Variants in CCDC144A observed in about 807,000 individuals in gnomAD.
CCDC144A encodes the protein coiled-coil domain-containing protein 144A.
Under a neutral mutation model 143.8 loss-of-function variants are expected in CCDC144A, and 41 were observed. That is an observed-to-expected ratio of 0.29 (90% CI 0.22 to 0.37). The LOEUF (loss-of-function observed/expected upper bound fraction) is 0.37, where lower values mean the gene tolerates loss of function less well. CCDC144A is among the 10% of genes least tolerant of loss of function. The probability of loss-of-function intolerance (pLI) is 1.00; values close to 1 mark genes in which losing one functional copy is unlikely to be tolerated. For synonymous variants in CCDC144A, 242 were observed against 517.9 expected (o/e 0.47, Z 7.23); for missense variants, 637 against 1,488.8 (o/e 0.43, Z 9.41).
At chr17:16,724,787 ATTTTTTTTTTT>A (rs760344292) in intron 8 of CCDC144A, among the ~76,000 whole-genome samples, 79 of 35,102 alleles carry the variant, frequency 2.3e-3, no homozygotes, top group African/African-American at 7.9e-3. Context: ...GATTAACTGA[ATTTTTTTTTTT>A]TTTTTTTTTT....
rs76075914 is a variant in CCDC144A at position 16,732,648 on chromosome 17, A to G, written c.2400A>G (p.Arg800=). 2.5e-4 allele frequency: 399 copies of G among 1,609,438 alleles called. No individual in the cohort carries two copies. In the East Asian group the frequency reaches 7.3e-3, roughly 29 times the overall value. The change falls in exon 11 of 17, where the codon CGA becomes CGG. Residue 800 remains arginine, a synonymous_variant. Coordinates refer to ENST00000399273, the MANE Select transcript of CCDC144A (RefSeq NM_001382000.1). ...AACAAAAGGAACTAGAAATGGCTCG[A>G]AAGAAAATGAATTCTGAGGTATTTT... The part of the protein sequence containing the change: ...TSKQKELEMA[R]KKMNSEISHR...
the CCDC144A span, among the ~76,000 whole-genome samples, chr17:16,682,067 C>T: frequency 6.6e-6 from 1 of 151,902 alleles, no homozygotes; most frequent in African/African-American, 2.4e-5. Flanking sequence ...TGCAGTAGAG[C>T]CCTGACCGTG....
rs1477061768 is a variant in CCDC144A at position 16,709,230 on chromosome 17, T to G, written c.1173T>G (p.Ser391=). 2 of 1,611,766 alleles carry G rather than the reference T, an allele frequency of 1.2e-6. No homozygotes were observed. The highest frequency in any genetic ancestry group is 3.3e-5 in the Admixed American group (2 of 60,024). The change falls in exon 5 of 17, where the codon TCT becomes TCG. Residue 391 remains serine (S), a synonymous_variant. Transcript: ENST00000399273. ...SGSQEHVCQS[S]SKFHLHENKL... is the part of the protein sequence containing the mutation. ...CCCAGGAACATGTTTGCCAGTCATC[T>G]TCTAAGTTTCATTTACATGAAAATA...
chr17:16,709,607 A>G lies in CCDC144A; in HGVS notation c.1550A>G (p.Lys517Arg), dbSNP rs1912276441. The G allele has an allele frequency of 6.2e-7, 1 of 1,611,402 alleles. No individual in the cohort carries two copies. The highest frequency in any genetic ancestry group is 8.5e-7 in the Non-Finnish European group (1 of 1,179,622). ...NTLEEEFLAL[K>R]KEDVQLHKDV... Reference sequence around the variant, plus strand: ...TTAGAAGAAGAGTTCCTGGCTTTGAAGAAAGAAGATGTTCAACTTCATAAA... The same window carrying G: ...TTAGAAGAAGAGTTCCTGGCTTTGAGGAAAGAAGATGTTCAACTTCATAAA... The change falls in exon 5 of 17, where the codon AAG (lysine) becomes AGG (arginine). Residue 517 changes from lysine to arginine, a missense_variant. Coordinates refer to ENST00000399273, the MANE Select transcript of CCDC144A (RefSeq NM_001382000.1).
At chr17:16,708,166 A>T (rs1242491753) in intron 4 of CCDC144A, among the ~76,000 whole-genome samples, 2 of 152,178 alleles carry the variant, frequency 1.3e-5, no homozygotes. Context: ...AGTTTTAGTA[A>T]GTGTTATTAG....
intron 5 of CCDC144A, chr17:16,709,915 G>T: frequency 2.8e-6 from 1 of 354,532 alleles, no homozygotes; most frequent in Non-Finnish European, 5.1e-6. Context: ...AACCAGGAGA[G>T]GCGTCAAGAA....
chr17:16,757,247 G>A (rs536135195), intron 12 of CCDC144A, among the ~76,000 whole-genome samples: 3 of 152,376 alleles, frequency 2.0e-5, no homozygotes, highest in East Asian at 3.9e-4. Flanking sequence ...GGCACTGGTA[G>A]TGGTGAAAGC....
intron 2 of CCDC144A, among the ~76,000 whole-genome samples, chr17:16,693,987 A>G (rs1911252413): frequency 6.8e-6 from 1 of 147,992 alleles, no homozygotes; most frequent in African/African-American, 2.5e-5. Context: ...TAAGAAAATC[A>G]TAAGGCAGAA....
chr17:16,685,963 G>A (rs1910762993), upstream of CCDC144A, among the ~76,000 whole-genome samples: 2 of 142,554 alleles, frequency 1.4e-5, no homozygotes, highest in African/African-American at 5.3e-5. Flanking sequence ...TGTATTTTTA[G>A]TAGAGAGAGG....
upstream of CCDC144A, among the ~76,000 whole-genome samples, chr17:16,689,343 G>C (rs1164262571): frequency 6.6e-6 from 1 of 152,042 alleles, no homozygotes; most frequent in Non-Finnish European, 1.5e-5. Flanking sequence ...CTACAGGCAC[G>C]CGCCACCACG....
rs764886750 is a variant in CCDC144A at position 16,709,081 on chromosome 17, C to T, written c.1024C>T (p.Pro342Ser). Residue 342 changes from proline to serine, a missense_variant, in exon 5 of 17, where the codon CCT (proline) becomes TCT (serine). Physicochemically the swap from Pro to Ser is moderately conservative, Grantham distance 74. Coordinates refer to ENST00000399273, the MANE Select transcript of CCDC144A (RefSeq NM_001382000.1). ...DIPFNLTNNI[P>S]GCEEEDASEI... is the part of the protein sequence containing the mutation. ...TCCCTTTAATTTGACAAATAACATA[C>T]CTGGTTGTGAGGAAGAAGATGCATC... 1.9e-6 allele frequency: 3 copies of T among 1,611,526 alleles called. No homozygotes were observed. Among genetic ancestry groups the T allele is most frequent in the Non-Finnish European group, 2.5e-6 (3 of 1,179,616 alleles).
At chr17:16,679,905 T>G in the CCDC144A span, among the ~76,000 whole-genome samples, 1 of 152,134 alleles carries the variant, frequency 6.6e-6, no homozygotes, top group African/African-American at 2.4e-5. Flanking sequence ...CCAAATTTCT[T>G]TTCAAAGTAA....
At chr17:16,667,275 A>AC in the CCDC144A span, among the ~76,000 whole-genome samples, 1 of 126,588 alleles carries the variant, frequency 7.9e-6, no homozygotes, top group East Asian at 2.6e-4. Flanking sequence ...GAGGCGGCTG[A>AC]GGGGCTGAGG....
chr17:16,695,576 G>C (rs1249167226), intron 2 of CCDC144A: 1 of 151,984 alleles, frequency 6.6e-6, no homozygotes, highest in East Asian at 1.9e-4. Flanking sequence ...CTTGTGTCTG[G>C]GTAACAGAGT....
the CCDC144A span, among the ~76,000 whole-genome samples, chr17:16,668,921 A>G: frequency 6.6e-6 from 1 of 152,162 alleles, no homozygotes; most frequent in Non-Finnish European, 1.5e-5. Flanking sequence ...ATTACCTTCA[A>G]AGGCCCTATT....
chr17:16,727,723 AGAGCTGTAC>A lies in CCDC144A; in HGVS notation c.2091_2099del (p.Glu697_Tyr699del). On this transcript the variant is annotated inframe_deletion, in exon 9 of 17. Coordinates refer to ENST00000399273, the MANE Select transcript of CCDC144A (RefSeq NM_001382000.1). The stretch of plus-strand genomic sequence containing the variant: ...AACTTCAAAAAATTGAATGGGAGAA[AGAGCTGTAC>A]GATTTGAGGTATGATGTTCTAGTTC... 6.3e-7 allele frequency: 1 copy of A among 1,595,992 alleles called. No homozygotes were observed. Among genetic ancestry groups the A allele is most frequent in the Non-Finnish European group, 8.5e-7 (1 of 1,172,492 alleles).
intron 12 of CCDC144A, chr17:16,746,815 A>G (rs1277321405): frequency 7.8e-7 from 1 of 1,285,010 alleles, no homozygotes; most frequent in African/African-American, 1.5e-5. Context: ...AAGGAGCTCA[A>G]AAGGCACCGC....
At chr17:16,753,483 G>A (rs1205029152) in intron 12 of CCDC144A, among the ~76,000 whole-genome samples, 6 of 86,252 alleles carry the variant, frequency 7.0e-5, no homozygotes, top group Non-Finnish European at 1.1e-4. Flanking sequence ...AATCTCTCTG[G>A]TTAACTTTAT....
chr17:16,748,396 A>G (rs1914637086), intron 12 of CCDC144A, among the ~76,000 whole-genome samples: 1 of 152,176 alleles, frequency 6.6e-6, no homozygotes, highest in Non-Finnish European at 1.5e-5. Flanking sequence ...AAACACATTT[A>G]TTGATTTGTG....
Sources: gnomAD v4.1 joint callset for allele counts (sites outside exome capture counted in the v4.1 genomes callset) on GRCh38, gnomAD v4.1.1 for gene constraint, MANE v1.5 for transcripts, NCBI Gene and HGNC (gene_info 2026-07-23, HGNC 2026-07-21) for gene names.